STEAP3: variants seen among roughly 807,000 people sequenced by gnomAD.
STEAP3 encodes the protein metalloreductase STEAP3.
A neutral mutation model predicts 34.9 loss-of-function variants in STEAP3; 35 were observed. That is an observed-to-expected ratio of 1.00 (90% CI 0.76 to 1.33). The LOEUF is 1.33. Ranked by LOEUF, STEAP3 falls within the 40% of genes most tolerant of loss-of-function variation. STEAP3 has a pLI of 0.00. For missense variants in STEAP3, 652 were observed against 667.6 expected (o/e 0.98, Z 0.26); for synonymous variants, 281 against 301.6 (o/e 0.93, Z 0.71).
rs41279770 is a variant in STEAP3 at position 119,254,836 on chromosome 2, C to T, written c.1203C>T (p.Phe401=). 104,043 of 1,613,898 alleles carry T rather than the reference C, an allele frequency of 0.064. 3,817 individuals are homozygous for T. Among genetic ancestry groups the T allele is most frequent in the Middle Eastern group, 0.095 (578 of 6,060 alleles). Residue 401 remains phenylalanine, a synonymous_variant, in exon 5 of 6, where the codon TTC becomes TTT. Coordinates refer to ENST00000393110, the MANE Select transcript of STEAP3 (RefSeq NM_182915.3). ...CAAACTCGCTCAACTGGAGGGAGTT[C>T]AGCTTCGTTCAGGTAAAGTAGTCTC... ...SIANSLNWRE[F]SFVQSSLGFV...
At position 119,263,429 on chromosome 2, in the gene STEAP3, T is replaced by C; in HGVS notation, c.*91T>C. The C allele has an allele frequency of 6.5e-7, 1 of 1,530,944 alleles. No homozygotes were observed. The allele number at this position is 1,530,944 out of a possible 1,614,324, so 94.8% of individuals were successfully genotyped here. ...CTTTTCTTGGTGGTGCAAAGTGGTATAACTGTGTGCAAATAGGAGGTTTGA... is the reference window on the plus strand; with the variant it reads ...CTTTTCTTGGTGGTGCAAAGTGGTACAACTGTGTGCAAATAGGAGGTTTGA... On this transcript the variant is annotated 3_prime_UTR_variant, in exon 6 of 6. Coordinates refer to ENST00000393110, the MANE Select transcript of STEAP3 (RefSeq NM_182915.3).
chr2:119,243,005 G>T lies in STEAP3; in HGVS notation c.23-2484G>T, dbSNP rs56681155. Among the ~76,000 whole-genome samples, 1,040 of 152,246 alleles carry T rather than the reference G, an allele frequency of 6.8e-3. 11 individuals carry two copies. Among genetic ancestry groups the T allele is most frequent in the African/African-American group, 0.023 (975 of 41,536 alleles). On this transcript the variant is annotated intron_variant, in intron 2 of 5. Transcript: ENST00000393110. ...CTCCCAGAACCAGGCAGAAAATACT[G>T]TCTCCTATTCACAGGGTGGCTGTGC...
intron 3 of STEAP3, chr2:119,246,964 C>A (rs956103950): frequency 7.9e-5 from 12 of 152,204 alleles, no homozygotes; most frequent in African/African-American, 2.9e-4. Flanking sequence ...TACCTACCTG[C>A]GGGCTCATGG....
Position 119,230,642 on chromosome 2 carries a change from A to G in STEAP3, c.-371A>G. The G allele has an allele frequency of 2.9e-6, 1 of 347,224 alleles. No individual in the cohort carries two copies. The highest frequency in any genetic ancestry group is 4.3e-5 in the South Asian group (1 of 23,500). 21.5% of individuals were successfully genotyped at this position (347,224 alleles called of 1,614,324 possible). A position where few individuals can be genotyped will look rare whatever the true frequency, so the allele number is the denominator to read the frequency against. On this transcript the variant is annotated 5_prime_UTR_variant, in exon 2 of 6. Transcript: ENST00000393110. Reference sequence around the variant, plus strand: ...TAGATGACATTTATTCATTTTATGCATCCTGGGTTCTACTGGTCGTCCCAC... The same window carrying G: ...TAGATGACATTTATTCATTTTATGCGTCCTGGGTTCTACTGGTCGTCCCAC...
intron 2 of STEAP3, among the ~76,000 whole-genome samples, chr2:119,231,738 A>C (rs781034546): frequency 1.3e-5 from 2 of 152,118 alleles, no homozygotes; most frequent in Non-Finnish European, 2.9e-5. Flanking sequence ...TAATTTTTTA[A>C]TGATGTCTAA....
At position 119,250,808 on chromosome 2, in the gene STEAP3, G is replaced by A. The variant is rs7561146; in HGVS notation, c.1050+2602G>A. Among the ~76,000 whole-genome samples the A allele has an allele frequency of 7.5e-3, 1,137 of 152,282 alleles. 19 individuals carry two copies. Among genetic ancestry groups the A allele is most frequent in the African/African-American group, 0.026 (1,081 of 41,554 alleles). ...CCAGGGCACAGAGGGGCGCATGCAAGGTAATTTTCCCCGTGTCCCAAAAAT... is the reference window on the plus strand; with the variant it reads ...CCAGGGCACAGAGGGGCGCATGCAAAGTAATTTTCCCCGTGTCCCAAAAAT... On this transcript the variant is annotated intron_variant, in intron 4 of 5. Coordinates refer to ENST00000393110, the MANE Select transcript of STEAP3 (RefSeq NM_182915.3).
At chr2:119,238,991 C>G (rs376289313) in intron 2 of STEAP3, among the ~76,000 whole-genome samples, 1 of 152,048 alleles carries the variant, frequency 6.6e-6, no homozygotes, top group African/African-American at 2.4e-5. Context: ...GGGTGGACAA[C>G]GAGCACATGA....
At position 119,263,362 on chromosome 2, in the gene STEAP3, C is replaced by G; in HGVS notation, c.*24C>G. ...GAGGTGCCTGCCCTGGGCTCTGGAC[C>G]CCGGGCACACGAGGGACGGTGCCCT... On this transcript the variant is annotated 3_prime_UTR_variant, in exon 6 of 6. Coordinates refer to ENST00000393110, the MANE Select transcript of STEAP3 (RefSeq NM_182915.3). 1 of 1,605,108 alleles carries G rather than the reference C, an allele frequency of 6.2e-7. No individual in the cohort carries two copies. The highest frequency in any genetic ancestry group is 2.2e-5 in the East Asian group (1 of 44,540).
At position 119,263,794 on chromosome 2, in the gene STEAP3, C is replaced by T; in HGVS notation, c.*456C>T. The T allele has an allele frequency of 1.0e-5, 3 of 288,272 alleles. No individual in the cohort carries two copies. The highest frequency in any genetic ancestry group is 6.5e-5 in the South Asian group (2 of 30,606). The allele number at this position is 288,272 out of a possible 1,614,324, so 17.9% of individuals were successfully genotyped here. ...CCCCAAGGCTCTTGCAGAGCTAGGG[C>T]TCTGAAGGGGAGGGAAGGCAACGGC... On this transcript the variant is annotated 3_prime_UTR_variant, in exon 6 of 6. Coordinates refer to ENST00000393110, the MANE Select transcript of STEAP3 (RefSeq NM_182915.3).
chr2:119,229,460 C>G (rs928958628), intron 1 of STEAP3, among the ~76,000 whole-genome samples: 13 of 152,272 alleles, frequency 8.5e-5, no homozygotes, highest in African/African-American at 3.1e-4. Flanking sequence ...CACAGCAGAG[C>G]AAGGAAAGGT....
intron 2 of STEAP3, among the ~76,000 whole-genome samples, chr2:119,237,938 T>A (rs1045096050): frequency 1.8e-4 from 28 of 152,242 alleles, no homozygotes; most frequent in African/African-American, 6.5e-4. Flanking sequence ...ATGTCTGGCC[T>A]TTTGTAATTG....
intron 1 of STEAP3, among the ~76,000 whole-genome samples, chr2:119,226,991 G>T (rs767125085): frequency 8.5e-5 from 13 of 152,110 alleles, no homozygotes; most frequent in Non-Finnish European, 1.3e-4. Flanking sequence ...TCCAAATTCT[G>T]CCTCATCGGT....
In STEAP3 at chr2:119,264,234, A is replaced by T. The variant is rs1678037271; in HGVS notation, c.*896A>T. On this transcript the variant is annotated 3_prime_UTR_variant, in exon 6 of 6. Coordinates refer to ENST00000393110, the MANE Select transcript of STEAP3 (RefSeq NM_182915.3). ...TGACTCCCAGGAAGGCCTAGAGCAG[A>T]CCCTTTAGAAATCAGCCCAAGGGGG... 6.6e-6 allele frequency: 1 copy of T among 152,616 alleles called. No individual in the cohort carries two copies. The highest frequency in any genetic ancestry group is 1.5e-5 in the Non-Finnish European group (1 of 68,130). The allele number at this position is 152,616 out of a possible 1,614,324, so 9.5% of individuals were successfully genotyped here. A position where few individuals can be genotyped will look rare whatever the true frequency, so the allele number is the denominator to read the frequency against.
rs188660715 is a variant in STEAP3 at position 119,254,768 on chromosome 2, G to T, written c.1135G>T (p.Gly379Cys). ...CCTCTCCCTGGGAGTGCTGGCCCTC[G>T]GCACGTTGTCCCTGCTGGCCGTGAC... ...IYLSLGVLAL[G>C]TLSLLAVTSL... The change falls in exon 5 of 6, where the codon GGC becomes TGC. Residue 379 changes from glycine (G) to cysteine (C), a missense_variant. Transcript: ENST00000393110. 2.7e-5 allele frequency: 44 copies of T among 1,614,142 alleles called. No individual in the cohort carries two copies. The Middle Eastern group carries it at 8.2e-4, about 30-fold the overall frequency.
At chr2:119,261,124 G>T (rs1239651069) in intron 5 of STEAP3, among the ~76,000 whole-genome samples, 2 of 152,124 alleles carry the variant, frequency 1.3e-5, no homozygotes, top group African/African-American at 4.8e-5. Flanking sequence ...CTGTCCTGGT[G>T]TCTGTCCTGG....
intron 2 of STEAP3, among the ~76,000 whole-genome samples, chr2:119,238,675 C>G (rs1417814086): frequency 6.6e-6 from 1 of 152,208 alleles, no homozygotes. Context: ...GGCAGACAGA[C>G]AGCGCCCACA....
chr2:119,253,304 G>A (rs1677679987), intron 4 of STEAP3, among the ~76,000 whole-genome samples: 1 of 152,200 alleles, frequency 6.6e-6, no homozygotes, highest in African/African-American at 2.4e-5. Flanking sequence ...AGCCAGGCCT[G>A]CCCTAAAATA....
At chr2:119,257,651 GGA>G (rs1677815261) in intron 5 of STEAP3, 2 of 1,456,042 alleles carry the variant, frequency 1.4e-6, no homozygotes, top group Non-Finnish European at 9.1e-7. Flanking sequence ...GTTAAATGCA[GGA>G]TGCGTGCAGC....
In STEAP3 at chr2:119,248,009, G is replaced by A. The variant is rs142251480; in HGVS notation, c.853G>A (p.Val285Met). The A allele has an allele frequency of 2.4e-5, 38 of 1,611,058 alleles. No homozygotes were observed. The highest frequency in any genetic ancestry group is 2.1e-4 in the African/African-American group (16 of 74,912). The change falls in exon 4 of 6, where the codon GTG becomes ATG. Residue 285 changes from valine (V) to methionine (M), a missense_variant. By Grantham distance (21) the Val-to-Met change is conservative. Coordinates refer to ENST00000393110, the MANE Select transcript of STEAP3 (RefSeq NM_182915.3). ...VLLSLVYLPGVLAAALQLRRG... is the reference protein window; with the variant it reads ...VLLSLVYLPGMLAAALQLRRG... Reference sequence around the variant, plus strand: ...GCTGTCACTCGTGTACTTGCCCGGCGTGCTGGCGGCTGCCCTGCAGCTGCG... The same window carrying A: ...GCTGTCACTCGTGTACTTGCCCGGCATGCTGGCGGCTGCCCTGCAGCTGCG...
Sources: gnomAD v4.1 joint callset for allele counts (sites outside exome capture counted in the v4.1 genomes callset) on GRCh38, gnomAD v4.1.1 for gene constraint, MANE v1.5 for transcripts, NCBI Gene and HGNC (gene_info 2026-07-23, HGNC 2026-07-21) for gene names.